The following TNNI3K variants were observed in gnomAD, a reference collection of about 807,000 sequenced individuals.
TNNI3K encodes the protein serine/threonine-protein kinase TNNI3K.
Under a neutral mutation model 114.5 loss-of-function variants are expected in TNNI3K, and 140 were observed. The ratio of observed to expected loss-of-function variants is 1.22; its 90% CI spans 1.07 to 1.41. The LOEUF (loss-of-function observed/expected upper bound fraction) is 1.41, where lower values mean the gene tolerates loss of function less well. Ranked by LOEUF, TNNI3K falls within the 40% of genes most tolerant of loss-of-function variation. The pLI, the probability that TNNI3K is intolerant of heterozygous loss-of-function variation, is 0.00. For synonymous variants in TNNI3K, 347 were observed against 347.5 expected, an observed-to-expected ratio of 1.00 and a Z score of 0.02; for missense variants, 1,125 against 1,007.6, an observed-to-expected ratio of 1.12 and a Z score of -1.58.
chr1:74,473,565 T>C (rs1047381744), intron 21 of TNNI3K, among the ~76,000 whole-genome samples: 3 of 151,804 alleles, frequency 2.0e-5, no homozygotes, highest in Non-Finnish European at 4.4e-5. Flanking sequence ...TTGTTAGGTG[T>C]TAGGCCTCAA....
chr1:74,512,744 A>T (rs1670292026), intron 23 of TNNI3K: 1 of 152,360 alleles, frequency 6.6e-6, no homozygotes, highest in South Asian at 2.1e-4. Context: ...ACTGAGTGAA[A>T]GAACAAACAC....
intron 5 of TNNI3K, among the ~76,000 whole-genome samples, chr1:74,325,172 A>G (rs1659831003): frequency 6.6e-6 from 1 of 152,204 alleles, no homozygotes; most frequent in South Asian, 2.1e-4. Flanking sequence ...AAAGGGGAAC[A>G]ATAAATGTTA....
chr1:74,398,510 G>A (rs1274820743), intron 17 of TNNI3K, among the ~76,000 whole-genome samples: 2 of 152,194 alleles, frequency 1.3e-5, no homozygotes, highest in Non-Finnish European at 2.9e-5. Context: ...GACCTCTTGG[G>A]TTAAGGCCAT....
intron 17 of TNNI3K, among the ~76,000 whole-genome samples, chr1:74,427,683 T>C (rs1665703212): frequency 6.6e-6 from 1 of 152,144 alleles, no homozygotes; most frequent in South Asian, 2.1e-4. Flanking sequence ...TGATCGTCAC[T>C]TCAGCATTCA....
chr1:74,508,383 T>C (rs1005876018), intron 23 of TNNI3K, among the ~76,000 whole-genome samples: 2 of 152,226 alleles, frequency 1.3e-5, no homozygotes, highest in East Asian at 1.9e-4. Flanking sequence ...CATTTAATCT[T>C]CATAAAAATA....
At chr1:74,429,334 A>G (rs1452409246) in intron 17 of TNNI3K, among the ~76,000 whole-genome samples, 1 of 152,146 alleles carries the variant, frequency 6.6e-6, no homozygotes, top group Non-Finnish European at 1.5e-5. Context: ...ACTACAAGGA[A>G]CTGATCTAGA....
intron 5 of TNNI3K, among the ~76,000 whole-genome samples, chr1:74,314,777 C>T (rs758592995): frequency 2.0e-5 from 3 of 152,020 alleles, no homozygotes; most frequent in Non-Finnish European, 4.4e-5. Flanking sequence ...AATTTGATTA[C>T]AATTTGGGTA....
chr1:74,346,005 C>A (rs1367931296), intron 9 of TNNI3K: 1 of 152,150 alleles, frequency 6.6e-6, no homozygotes, highest in African/African-American at 2.4e-5. Context: ...CAAATACTTT[C>A]TCACACCTGG....
chr1:74,250,598 C>A, intron 3 of TNNI3K, 74 bp from the exon 4 acceptor site: 2 of 1,392,946 alleles, frequency 1.4e-6, no homozygotes, highest in Non-Finnish European at 1.9e-6. Context: ...TGGCATTTAT[C>A]ATTAGGTCAA....
At chr1:74,272,297 CAAG>C (rs1656398965) in intron 5 of TNNI3K, among the ~76,000 whole-genome samples, 2 of 151,112 alleles carry the variant, frequency 1.3e-5, no homozygotes, top group South Asian at 4.2e-4. Context: ...ACAATAAAGA[CAAG>C]AAAATATTAC....
chr1:74,432,248 G>C (rs895797134), intron 17 of TNNI3K, among the ~76,000 whole-genome samples: 1 of 152,158 alleles, frequency 6.6e-6, no homozygotes, highest in African/African-American at 2.4e-5. Context: ...TGATTTGCCA[G>C]ATTCAAATCA....
rs376171489 is a variant in TNNI3K at position 74,339,806 on chromosome 1, GA to G, written c.683-3027del. 6.4e-3 allele frequency among the ~76,000 whole-genome samples: 963 copies of G among 149,366 alleles called. 11 individuals are homozygous for G. Among genetic ancestry groups the G allele is most frequent in the African/African-American group, 0.023 (922 of 40,820 alleles). On this transcript the variant is annotated intron_variant, in intron 7 of 24. Coordinates refer to ENST00000326637, the MANE Select transcript of TNNI3K (RefSeq NM_015978.3). ...GTTAAAATATTGATGGACTGAATAA[GA>G]AAAAAAAATGGTGATACAGCCTTCA...
intron 5 of TNNI3K, among the ~76,000 whole-genome samples, chr1:74,288,153 G>A (rs1418417001): frequency 6.6e-6 from 1 of 152,026 alleles, no homozygotes. Flanking sequence ...AGAGTATAAA[G>A]ATTCCTCAAA....
intron 11 of TNNI3K, among the ~76,000 whole-genome samples, chr1:74,363,892 AGTGT>A (rs1239385704): frequency 7.0e-6 from 1 of 143,352 alleles, no homozygotes; most frequent in Non-Finnish European, 1.5e-5. Context: ...GGGATTAGAC[AGTGT>A]GAAGGGAGGA....
At chr1:74,445,603 C>CTTTTTTTTT (rs1234823064) in intron 20 of TNNI3K, among the ~76,000 whole-genome samples, 1 of 131,148 alleles carries the variant, frequency 7.6e-6, no homozygotes, top group African/African-American at 3.1e-5. Flanking sequence ...TCCACATTTT[C>CTTTTTTTTT]TTTTTTTTCT....
chr1:74,503,671 C>T (rs942419931), intron 23 of TNNI3K, among the ~76,000 whole-genome samples: 11 of 152,120 alleles, frequency 7.2e-5, no homozygotes, highest in Non-Finnish European at 1.5e-4. Context: ...TCATTAAGGG[C>T]CTGCAGTGGC....
intron 5 of TNNI3K, among the ~76,000 whole-genome samples, chr1:74,281,548 C>T (rs1300882051): frequency 1.3e-5 from 2 of 152,014 alleles, no homozygotes; most frequent in African/African-American, 4.8e-5. Flanking sequence ...TTAATGTCCC[C>T]ATTATATTGA....
At position 74,540,135 on chromosome 1, in the gene TNNI3K, AT is replaced by A. The variant is rs1045189891; in HGVS notation, c.2352-96del. The A allele has an allele frequency of 3.4e-5, 44 of 1,293,844 alleles. No individual in the cohort carries two copies. In the African/African-American group the frequency reaches 6.5e-4, roughly 19 times the overall value. The allele number at this position is 1,293,844 out of a possible 1,614,324, so 80.1% of individuals were successfully genotyped here. A position where few individuals can be genotyped will look rare whatever the true frequency, so the allele number is the denominator to read the frequency against. On this transcript the variant is annotated intron_variant, in intron 23 of 24. Coordinates refer to ENST00000326637, the MANE Select transcript of TNNI3K (RefSeq NM_015978.3). ...AAAAGCTGCTTTGTATCACTTTGCC[AT>A]TTCTCTGGGATCTATGTTGAGTGGA...
intron 17 of TNNI3K, among the ~76,000 whole-genome samples, chr1:74,407,682 T>C (rs1664682334): frequency 6.6e-6 from 1 of 152,114 alleles, no homozygotes; most frequent in East Asian, 1.9e-4. Context: ...ATCTTATACT[T>C]GACTTTAAGT....
Sources: gnomAD v4.1 joint callset for allele counts (sites outside exome capture counted in the v4.1 genomes callset) on GRCh38, gnomAD v4.1.1 for gene constraint, MANE v1.5 for transcripts, NCBI Gene and HGNC (gene_info 2026-07-23, HGNC 2026-07-21) for gene names.